The following MGAT3 variants were observed in gnomAD, a reference collection of about 807,000 sequenced individuals.
MGAT3 encodes the protein GlcNAc-T III.
A neutral mutation model predicts 29.8 loss-of-function variants in MGAT3; 9 were observed. That is an observed-to-expected ratio of 0.30 (90% CI 0.18 to 0.53). MGAT3 has a LOEUF of 0.53. Ranked by LOEUF, MGAT3 falls within the 20% of genes least tolerant of loss-of-function variation. MGAT3 has a pLI of 0.96. For synonymous variants in MGAT3, 397 were observed against 348.9 expected, an observed-to-expected ratio of 1.14 and a Z score of -1.54; for missense variants, 557 against 769.5, an observed-to-expected ratio of 0.72 and a Z score of 3.27.
rs1196107118 is a variant in MGAT3, at chr22:39,457,508, A to AGCC, written c.-39_-37dup. ...CCGCCGGGGACCCCGGGGGCCGCGGAGCCGCCGCCGCCGCTGCTGCCGCCG... is the reference window on the plus strand; with the variant it reads ...CCGCCGGGGACCCCGGGGGCCGCGGAGCCGCCGCCGCCGCCGCTGCTGCCGCCG... On this transcript the variant is annotated 5_prime_UTR_variant, in exon 1 of 2. Coordinates refer to ENST00000341184, the MANE Select transcript of MGAT3 (RefSeq NM_002409.5). The surrounding 1 kb of genome is among the most constrained non-coding windows in gnomAD (Gnocchi z 6.8). 6.8e-6 allele frequency: 1 copy of AGCC among 148,144 alleles called. No individual in the cohort carries two copies. The highest frequency in any genetic ancestry group is 6.7e-5 in the Admixed American group (1 of 14,922). The allele number at this position is 148,144 out of a possible 1,614,324, so 9.2% of individuals were successfully genotyped here.
rs749029549 is a variant in MGAT3, at chr22:39,489,417, A to G, written c.*468A>G. 1.0e-5 allele frequency: 2 copies of G among 192,458 alleles called. No homozygotes were observed. Among genetic ancestry groups the G allele is most frequent in the Non-Finnish European group, 2.4e-5 (2 of 83,482 alleles). 11.9% of individuals were successfully genotyped at this position (192,458 alleles called of 1,614,324 possible). A position where few individuals can be genotyped will look rare whatever the true frequency, so the allele number is the denominator to read the frequency against. ...GACCCAGGGCTCTGTAAGTAGATGCATTTGGGTCCAGGAGGAAGCGTGGAC... is the reference window on the plus strand; with the variant it reads ...GACCCAGGGCTCTGTAAGTAGATGCGTTTGGGTCCAGGAGGAAGCGTGGAC... On this transcript the variant is annotated 3_prime_UTR_variant, in exon 2 of 2. Transcript: ENST00000341184.
At chr22:39,469,540 C>T (rs577079567) in intron 1 of MGAT3, among the ~76,000 whole-genome samples, 1 of 152,278 alleles carries the variant, frequency 6.6e-6, no homozygotes, top group East Asian at 1.9e-4. Flanking sequence ...GAACAGCATC[C>T]GCTCCCCACT....
intron 1 of MGAT3, among the ~76,000 whole-genome samples, chr22:39,482,306 T>C (rs777016323): frequency 2.0e-5 from 3 of 152,194 alleles, no homozygotes; most frequent in Non-Finnish European, 4.4e-5. Context: ...AGCTTTGTAA[T>C]GGAAGCTGAA....
intron 1 of MGAT3, among the ~76,000 whole-genome samples, chr22:39,468,448 A>G (rs1928716931): frequency 6.6e-6 from 1 of 152,166 alleles, no homozygotes; most frequent in East Asian, 1.9e-4. Context: ...TTCCTTTCCC[A>G]CCGTCTTCCC....
intron 1 of MGAT3, among the ~76,000 whole-genome samples, chr22:39,481,932 C>T (rs1929140431): frequency 6.6e-6 from 1 of 152,132 alleles, no homozygotes; most frequent in African/African-American, 2.4e-5. Context: ...TACTGTTACA[C>T]CTGATGGTTT....
chr22:39,471,617 A>T (rs1166521718), intron 1 of MGAT3, among the ~76,000 whole-genome samples: 3 of 150,382 alleles, frequency 2.0e-5, no homozygotes, highest in African/African-American at 7.4e-5. Context: ...CTCTGCAGAG[A>T]TGGCAAGGCC....
At chr22:39,479,013 C>T (rs989388823) in intron 1 of MGAT3, among the ~76,000 whole-genome samples, 3 of 152,222 alleles carry the variant, frequency 2.0e-5, no homozygotes, top group Non-Finnish European at 2.9e-5. Context: ...ACCTGGCTGC[C>T]AGGAAGCACC....
chr22:39,488,920 C>T lies in MGAT3; in HGVS notation c.1573C>T (p.Arg525Trp), dbSNP rs200557788. ...GGGTCCCGAGGGAAGGCCGCCCGCC[C>T]GGGGCAAACTGGACGAGGCGGAAGT... ...HRGPEGRPPA[R>W]GKLDEAEV Residue 525 changes from arginine to tryptophan, a missense_variant, in exon 2 of 2, where the codon CGG (arginine) becomes TGG (tryptophan). Coordinates refer to ENST00000341184, the MANE Select transcript of MGAT3 (RefSeq NM_002409.5). The T allele has an allele frequency of 2.7e-4, 441 of 1,605,034 alleles. 1 individual carries two copies. In the Middle Eastern group the frequency reaches 4.1e-3, roughly 15 times the overall value.
chr22:39,473,775 G>C (rs140037496), intron 1 of MGAT3, among the ~76,000 whole-genome samples: 1 of 151,270 alleles, frequency 6.6e-6, no homozygotes. Flanking sequence ...TCCAAGTTCC[G>C]GGTGATCGGG....
At chr22:39,485,267 A>G (rs1249582770) in intron 1 of MGAT3, among the ~76,000 whole-genome samples, 1 of 152,130 alleles carries the variant, frequency 6.6e-6, no homozygotes, top group African/African-American at 2.4e-5. Flanking sequence ...GGGTGAAATG[A>G]GCTGGATGGC....
At chr22:39,467,939 G>T (rs1293282831) in intron 1 of MGAT3, among the ~76,000 whole-genome samples, 1 of 151,908 alleles carries the variant, frequency 6.6e-6, no homozygotes, top group African/African-American at 2.4e-5. Flanking sequence ...GAGCTCGGAG[G>T]CCGCCACCCT....
intron 1 of MGAT3, among the ~76,000 whole-genome samples, chr22:39,465,973 A>C (rs1357418990): frequency 6.6e-6 from 1 of 151,988 alleles, no homozygotes; most frequent in Non-Finnish European, 1.5e-5. Context: ...CTGATAGAGC[A>C]AAATGCGCAC....
Position 39,457,272 on chromosome 22 carries a change from C to A in MGAT3, c.-287C>A. 2 of 145,232 alleles carry A rather than the reference C, an allele frequency of 1.4e-5. No individual in the cohort carries two copies. Among genetic ancestry groups the A allele is most frequent in the South Asian group, 3.8e-4 (2 of 5,202 alleles). 9.0% of individuals were successfully genotyped at this position (145,232 alleles called of 1,614,324 possible). ...CGCGCGCCCGCCGCGGTCCCTCCCC[C>A]GCGCCCGTCCGCTCGCCGGGCCCCC... On this transcript the variant is annotated 5_prime_UTR_variant, in exon 1 of 2. Coordinates refer to ENST00000341184, the MANE Select transcript of MGAT3 (RefSeq NM_002409.5). The surrounding 1 kb of genome is among the most constrained non-coding windows in gnomAD (Gnocchi z 6.8).
At chr22:39,469,567 C>A (rs1928749778) in intron 1 of MGAT3, among the ~76,000 whole-genome samples, 1 of 152,194 alleles carries the variant, frequency 6.6e-6, no homozygotes, top group Non-Finnish European at 1.5e-5. Flanking sequence ...GACTCTTGGA[C>A]CAGACCTCCA....
rs1929436493 is a variant in MGAT3 at position 39,490,956 on chromosome 22, C to T, written c.*2007C>T. 6.0e-6 allele frequency: 1 copy of T among 167,144 alleles called. No homozygotes were observed. The highest frequency in any genetic ancestry group is 1.5e-5 in the Non-Finnish European group (1 of 68,156). The allele number at this position is 167,144 out of a possible 1,614,324, so 10.4% of individuals were successfully genotyped here. ...AGGGTCTGTCTGTCTGTCTGTCTTT[C>T]AGTCTGAGGAATGAGAATCCTGACC... On this transcript the variant is annotated 3_prime_UTR_variant, in exon 2 of 2. Transcript: ENST00000341184.
At chr22:39,471,293 C>T (rs907343478) in intron 1 of MGAT3, among the ~76,000 whole-genome samples, 2 of 152,068 alleles carry the variant, frequency 1.3e-5, no homozygotes, top group Non-Finnish European at 2.9e-5. Context: ...AGCTGAAAGC[C>T]CGAAGTATGG....
rs1348279743 is a variant in MGAT3, at chr22:39,488,942, A to T, written c.1595A>T (p.Glu532Val). 8.1e-6 allele frequency: 13 copies of T among 1,605,064 alleles called. No homozygotes were observed. Among genetic ancestry groups the T allele is most frequent in the African/African-American group, 1.3e-5 (1 of 74,762 alleles). Residue 532 changes from glutamate (E) to valine (V), a missense_variant, in exon 2 of 2, where the codon GAA (glutamate) becomes GTA (valine). By Grantham distance (121) the Glu-to-Val change is moderately radical. This residue lies in a region of MGAT3 where 102 missense variants were observed against 97.0 expected (regional missense o/e 1.05). Coordinates refer to ENST00000341184, the MANE Select transcript of MGAT3 (RefSeq NM_002409.5). Reference protein sequence around the residue: ...PPARGKLDEAEV With the variant: ...PPARGKLDEAVV ...GCCCGGGGCAAACTGGACGAGGCGG[A>T]AGTCTAGAGCTGCATGATCTGATAG...
At position 39,489,026 on chromosome 22, in the gene MGAT3, G is replaced by C; in HGVS notation, c.*77G>C. ...TAGCGCTATCTCCCTGCCTCCTGCC[G>C]GCTCCTTGGTTCTTGAGGGGACCAG... On this transcript the variant is annotated 3_prime_UTR_variant, in exon 2 of 2. Transcript: ENST00000341184. 1 of 1,471,314 alleles carries C rather than the reference G, an allele frequency of 6.8e-7. No homozygotes were observed. The highest frequency in any genetic ancestry group is 9.0e-7 in the Non-Finnish European group (1 of 1,108,992). 91.1% of individuals were successfully genotyped at this position (1,471,314 alleles called of 1,614,324 possible).
intron 1 of MGAT3, among the ~76,000 whole-genome samples, chr22:39,486,533 G>A (rs1299520821): frequency 6.6e-6 from 1 of 152,118 alleles, no homozygotes; most frequent in African/African-American, 2.4e-5. Flanking sequence ...TAGGGTCTCA[G>A]TCTGTTGTCC....
Sources: allele counts gnomAD v4.1 joint callset (sites outside exome capture counted in the v4.1 genomes callset), GRCh38; gene constraint gnomAD v4.1.1; regional missense constraint gnomAD v4.1.1; non-coding constraint Gnocchi (gnomAD v3.1); transcripts MANE v1.5; gene names NCBI Gene and HGNC (gene_info 2026-07-23, HGNC 2026-07-21).